Variants in ADAM10 observed in about 807,000 individuals in gnomAD.
The protein encoded by ADAM10 is disintegrin and metalloproteinase domain-containing protein 10.
ADAM10 carries 17 observed loss-of-function variants against 90.1 expected under a neutral mutation model. The ratio of observed to expected loss-of-function variants is 0.19; its 90% CI spans 0.13 to 0.28. The LOEUF (loss-of-function observed/expected upper bound fraction) is 0.28. Ranked by LOEUF, ADAM10 falls within the 10% of genes least tolerant of loss-of-function variation. The pLI is 1.00. For synonymous variants in ADAM10, 310 were observed against 298.6 expected (o/e 1.04, Z -0.40); for missense variants, 610 against 914.3 (o/e 0.67, Z 4.29).
chr15:58,609,065 G>C (rs955438092), intron 14 of ADAM10: 8 of 152,136 alleles, frequency 5.3e-5, no homozygotes, highest in South Asian at 2.1e-4. Context: ...TAAGCTGCTT[G>C]AAGTCACAGA....
At chr15:58,749,452 G>GA (rs764070632) in intron 1 of ADAM10, 28 bp downstream of exon 1, 1 of 1,522,258 alleles carries the variant, frequency 6.6e-7, no homozygotes, top group East Asian at 2.6e-5. Flanking sequence ...TGGTCGCGGC[G>GA]CCCCCGGCGC....
chr15:58,665,332 G>T, intron 4 of ADAM10, 135 bp from the exon 5 acceptor site: 1 of 738,608 alleles, frequency 1.4e-6, no homozygotes, highest in Non-Finnish European at 2.4e-6. Context: ...TATGGAAAAG[G>T]CATTATGCTA....
intron 14 of ADAM10, among the ~76,000 whole-genome samples, chr15:58,605,341 G>C (rs1895238713): frequency 6.6e-6 from 1 of 152,144 alleles, no homozygotes; most frequent in African/African-American, 2.4e-5. Context: ...TGTGAATTTA[G>C]CGTGTGGGGA....
chr15:58,626,909 T>C (rs1170151981), intron 10 of ADAM10, among the ~76,000 whole-genome samples: 1 of 152,154 alleles, frequency 6.6e-6, no homozygotes, highest in African/African-American at 2.4e-5. Flanking sequence ...ACATTCAACA[T>C]TGTACCTATA....
intron 2 of ADAM10, chr15:58,698,232 C>A (rs959831481): frequency 2.3e-6 from 1 of 434,902 alleles, no homozygotes; most frequent in Non-Finnish European, 4.5e-6. Context: ...AATATACAGA[C>A]ACAATACTAA....
chr15:58,644,861 G>A (rs781251652), intron 6 of ADAM10, among the ~76,000 whole-genome samples: 14 of 152,048 alleles, frequency 9.2e-5, no homozygotes, highest in African/African-American at 2.2e-4. Flanking sequence ...CTTTAGTAGC[G>A]GAAGAAAGGA....
chr15:58,674,333 T>G (rs187277829), intron 4 of ADAM10, among the ~76,000 whole-genome samples: 1 of 152,244 alleles, frequency 6.6e-6, no homozygotes, highest in Non-Finnish European at 1.5e-5. Context: ...TCAAAACATA[T>G]AGTAGAGAGA....
At chr15:58,624,410 G>GAA (rs1164163314) in intron 10 of ADAM10, among the ~76,000 whole-genome samples, 2 of 152,184 alleles carry the variant, frequency 1.3e-5, no homozygotes, top group South Asian at 2.1e-4. Flanking sequence ...TAATTTATAA[G>GAA]AAAACAAATA....
intron 2 of ADAM10, among the ~76,000 whole-genome samples, chr15:58,685,528 A>G (rs1487203483): frequency 4.8e-5 from 7 of 144,590 alleles, no homozygotes; most frequent in African/African-American, 1.8e-4. Flanking sequence ...TTTTTTAAAA[A>G]CAAGAATATG....
chr15:58,624,337 T>C (rs1211403881), intron 10 of ADAM10, among the ~76,000 whole-genome samples: 1 of 152,120 alleles, frequency 6.6e-6, no homozygotes, highest in South Asian at 2.1e-4. Context: ...CATCTGCACA[T>C]ATATACTAGG....
chr15:58,627,356 T>A (rs145975328), intron 10 of ADAM10, among the ~76,000 whole-genome samples: 1 of 152,228 alleles, frequency 6.6e-6, no homozygotes, highest in African/African-American at 2.4e-5. Context: ...CAAAGGTAAA[T>A]GCATCTGTCA....
At chr15:58,686,604 G>T (rs1421157369) in intron 2 of ADAM10, 6 of 1,004,124 alleles carry the variant, frequency 6.0e-6, no homozygotes, top group Non-Finnish European at 9.5e-6. Flanking sequence ...CCCAGATCCT[G>T]TGCTTTACTC....
intron 5 of ADAM10, among the ~76,000 whole-genome samples, chr15:58,658,138 T>C (rs571536295): frequency 5.9e-5 from 9 of 152,320 alleles, no homozygotes; most frequent in African/African-American, 2.2e-4. Context: ...TTCCTAGTTT[T>C]AGTTTTAGCT....
chr15:58,634,279 G>A (rs1227620613), intron 8 of ADAM10, among the ~76,000 whole-genome samples: 1 of 150,856 alleles, frequency 6.6e-6, no homozygotes, highest in African/African-American at 2.5e-5. Context: ...TCCAGCCTGG[G>A]CGACACAGTG....
chr15:58,666,929 C>A (rs1897094117), intron 4 of ADAM10, among the ~76,000 whole-genome samples: 1 of 152,122 alleles, frequency 6.6e-6, no homozygotes, highest in African/African-American at 2.4e-5. Flanking sequence ...TTCCCATATA[C>A]TTTCAAAATT....
At chr15:58,671,453 A>C (rs979800531) in intron 4 of ADAM10, among the ~76,000 whole-genome samples, 1 of 152,180 alleles carries the variant, frequency 6.6e-6, no homozygotes, top group Admixed American at 6.5e-5. Flanking sequence ...TACAAACATA[A>C]ATCTATGAAT....
At chr15:58,714,292 TACACACACACACACACAC>T (rs71116591) in intron 2 of ADAM10, among the ~76,000 whole-genome samples, 3 of 142,914 alleles carry the variant, frequency 2.1e-5, no homozygotes, top group African/African-American at 5.2e-5. Flanking sequence ...TACATACACA[TACACACACACACACACAC>T]ACACACACAC....
chr15:58,616,676 A>C (rs1477749957), intron 11 of ADAM10, among the ~76,000 whole-genome samples: 1 of 152,232 alleles, frequency 6.6e-6, no homozygotes, highest in Non-Finnish European at 1.5e-5. Flanking sequence ...GTCTACATAG[A>C]AAAAGTAGAA....
At chr15:58,714,757 T>A (rs1363692191) in intron 2 of ADAM10, among the ~76,000 whole-genome samples, 3 of 152,084 alleles carry the variant, frequency 2.0e-5, no homozygotes, top group African/African-American at 7.2e-5. Context: ...AAATACAAAA[T>A]GTTATTAACA....
Sources: gnomAD v4.1 joint callset for allele counts (sites outside exome capture counted in the v4.1 genomes callset) on GRCh38, gnomAD v4.1.1 for gene constraint, MANE v1.5 for transcripts, NCBI Gene and HGNC (gene_info 2026-07-23, HGNC 2026-07-21) for gene names.